Variants in CADPS observed in about 807,000 individuals in gnomAD.
The protein encoded by CADPS is calcium-dependent secretion activator 1.
CADPS carries 57 observed loss-of-function variants against 167.3 expected under a neutral mutation model. The ratio of observed to expected loss-of-function variants is 0.34; its 90% confidence interval spans 0.28 to 0.42. CADPS has a LOEUF of 0.42. CADPS is among the 20% of genes least tolerant of loss of function. The pLI, the probability that CADPS is intolerant of heterozygous loss-of-function variation, is 1.00. For missense variants in CADPS, 1,414 were observed against 1,738.1 expected, an observed-to-expected ratio of 0.81 and a Z score of 3.32; for synonymous variants, 676 against 635.3, an observed-to-expected ratio of 1.06 and a Z score of -0.96.
At chr3:62,859,803 G>T (rs1249540967) in intron 1 of CADPS, among the ~76,000 whole-genome samples, 5 of 152,164 alleles carry the variant, frequency 3.3e-5, no homozygotes, top group Non-Finnish European at 7.3e-5. Flanking sequence ...ATATTGGTTT[G>T]TGTTGACAAT....
chr3:62,759,690 T>C (rs924652729), intron 2 of CADPS, among the ~76,000 whole-genome samples: 3 of 152,048 alleles, frequency 2.0e-5, no homozygotes, highest in African/African-American at 4.8e-5. Context: ...CATAGATACA[T>C]TGAAAGTACC....
intron 6 of CADPS, among the ~76,000 whole-genome samples, chr3:62,606,262 A>G (rs1168034015): frequency 6.6e-6 from 1 of 152,180 alleles, no homozygotes; most frequent in African/African-American, 2.4e-5. Context: ...GTAATCTCCA[A>G]TATGACAGTA....
chr3:62,518,141 A>T lies in CADPS; in HGVS notation c.2393+8T>A, dbSNP rs2069464614. 2 of 1,598,970 alleles carry T rather than the reference A, an allele frequency of 1.3e-6. No individual in the cohort carries two copies. Among genetic ancestry groups the T allele is most frequent in the Non-Finnish European group, 8.6e-7 (1 of 1,167,478 alleles). ...CCTAATTAAAGCTCTCCAGCCCCAG[A>T]TCCTTACCTAAAATGTGTAATCTGA... On this transcript the variant is annotated splice_region_variant and intron_variant, in intron 14 of 29. Transcript: ENST00000383710.
intron 13 of CADPS, chr3:62,530,781 G>C: frequency 7.8e-7 from 1 of 1,285,924 alleles, no homozygotes; most frequent in Non-Finnish European, 1.0e-6. Flanking sequence ...GTATTTGGTG[G>C]CAGCCCACTA....
chr3:62,722,694 T>A (rs1286601384), intron 3 of CADPS, among the ~76,000 whole-genome samples: 2 of 152,258 alleles, frequency 1.3e-5, no homozygotes, highest in Non-Finnish European at 2.9e-5. Flanking sequence ...ATAGTTTCCA[T>A]AATTGAAAGA....
intron 13 of CADPS, among the ~76,000 whole-genome samples, chr3:62,528,826 T>C: frequency 6.6e-6 from 1 of 152,278 alleles, no homozygotes; most frequent in South Asian, 2.1e-4. Flanking sequence ...AAAATGAACA[T>C]AAAAATAGCT....
At chr3:62,718,926 G>C (rs2075206162) in intron 3 of CADPS, among the ~76,000 whole-genome samples, 1 of 152,208 alleles carries the variant, frequency 6.6e-6, no homozygotes, top group Non-Finnish European at 1.5e-5. Context: ...GAGACAGGCT[G>C]AAGATATTTG....
intron 3 of CADPS, among the ~76,000 whole-genome samples, chr3:62,666,527 G>T (rs2074436332): frequency 6.6e-6 from 1 of 152,132 alleles, no homozygotes; most frequent in Non-Finnish European, 1.5e-5. Flanking sequence ...CTTTCACGTT[G>T]GCAGATCATT....
At chr3:62,468,699 T>C (rs2150449434) in intron 24 of CADPS, among the ~76,000 whole-genome samples, 1 of 152,340 alleles carries the variant, frequency 6.6e-6, no homozygotes, top group Non-Finnish European at 1.5e-5. Flanking sequence ...CTCCAGGCAG[T>C]CCCACTATCT....
rs186817003 is a variant in CADPS at position 62,618,009 on chromosome 3, G to C, written c.1326-25261C>G. On this transcript the variant is annotated intron_variant, in intron 6 of 29. Coordinates refer to ENST00000383710, the MANE Select transcript of CADPS (RefSeq NM_003716.4). The stretch of plus-strand genomic sequence containing the variant: ...GGTGACCCCACCCCTGAATTGACAG[G>C]TGGTCGTTCTTGACACTGCATTTCC... Among the ~76,000 whole-genome samples the C allele has an allele frequency of 1.0e-3, 152 of 152,204 alleles. 2 individuals carry two copies. In the East Asian group the frequency reaches 0.016, roughly 16 times the overall value.
chr3:62,660,807 T>C (rs1054425487), intron 4 of CADPS, among the ~76,000 whole-genome samples: 1 of 152,240 alleles, frequency 6.6e-6, no homozygotes, highest in Non-Finnish European at 1.5e-5. Flanking sequence ...GTATTAATTG[T>C]AATTGAAAAA....
intron 1 of CADPS, among the ~76,000 whole-genome samples, chr3:62,827,663 A>G (rs1415933121): frequency 1.3e-5 from 2 of 152,186 alleles, no homozygotes; most frequent in African/African-American, 2.4e-5. Context: ...TTGATATACA[A>G]TCACATACAC....
At chr3:62,553,229 CG>C (rs776630178) in intron 10 of CADPS, among the ~76,000 whole-genome samples, 2 of 152,114 alleles carry the variant, frequency 1.3e-5, no homozygotes, top group Non-Finnish European at 2.9e-5. Context: ...CTGGAGCTAC[CG>C]TCAGAAAGTC....
intron 1 of CADPS, among the ~76,000 whole-genome samples, chr3:62,843,139 G>C (rs546384015): frequency 1.9e-4 from 29 of 152,158 alleles, no homozygotes; most frequent in Non-Finnish European, 2.9e-4. Flanking sequence ...AACATTAACA[G>C]GTGATTTTAT....
intron 8 of CADPS, among the ~76,000 whole-genome samples, chr3:62,584,369 C>G (rs762647707): frequency 1.3e-5 from 2 of 152,032 alleles, no homozygotes; most frequent in African/African-American, 2.4e-5. Context: ...TACATATACC[C>G]AAAAAAGAAT....
chr3:62,633,670 T>C (rs1218479108), intron 6 of CADPS, among the ~76,000 whole-genome samples: 2 of 152,128 alleles, frequency 1.3e-5, no homozygotes, highest in Non-Finnish European at 2.9e-5. Context: ...ACCCCTCTAA[T>C]TAAAACAGCT....
chr3:62,669,622 C>A (rs988630173), intron 3 of CADPS, among the ~76,000 whole-genome samples: 1 of 152,214 alleles, frequency 6.6e-6, no homozygotes, highest in African/African-American at 2.4e-5. Context: ...AAGTTCAAAT[C>A]TTTGCCTTTC....
In CADPS at chr3:62,743,677, A is replaced by C. The variant is rs765467182; in HGVS notation, c.888+9764T>G. On this transcript the variant is annotated intron_variant, in intron 3 of 29. Coordinates refer to ENST00000383710, the MANE Select transcript of CADPS (RefSeq NM_003716.4). ...TGAAGACTGCAGGGCTTTGTTAACTATGTTTTTAAAAATTAAATCAGGAAA... is the reference window on the plus strand; with the variant it reads ...TGAAGACTGCAGGGCTTTGTTAACTCTGTTTTTAAAAATTAAATCAGGAAA... Among the ~76,000 whole-genome samples the C allele has an allele frequency of 4.0e-4, 61 of 152,178 alleles. 1 individual carries two copies. Among genetic ancestry groups the C allele is most frequent in the Non-Finnish European group, 3.2e-4 (22 of 68,010 alleles).
intron 3 of CADPS, among the ~76,000 whole-genome samples, chr3:62,735,769 C>T (rs2078877579): frequency 6.6e-6 from 1 of 152,152 alleles, no homozygotes; most frequent in Non-Finnish European, 1.5e-5. Context: ...TCCCTACCAC[C>T]TTTTCTTTTC....
Sources: gnomAD v4.1 joint callset for allele counts (sites outside exome capture counted in the v4.1 genomes callset) on GRCh38, gnomAD v4.1.1 for gene constraint, MANE v1.5 for transcripts, NCBI Gene and HGNC (gene_info 2026-07-23, HGNC 2026-07-21) for gene names.